Variants in SPECC1 observed in about 807,000 individuals in gnomAD.
SPECC1 encodes cytospin-B.
Under a neutral mutation model 104.1 loss-of-function variants are expected in SPECC1, and 62 were observed. The observed-to-expected ratio is 0.60, with a 90% CI of 0.49 to 0.74. The LOEUF is 0.74. Among genes scored for constraint, SPECC1 ranks in the 30% least tolerant of loss-of-function variants. SPECC1 has a pLI of 0.00. For synonymous variants in SPECC1, 513 were observed against 501.6 expected, an observed-to-expected ratio of 1.02 and a Z score of -0.30; for missense variants, 1,306 against 1,310.5, an observed-to-expected ratio of 1.00 and a Z score of 0.05.
chr17:20,099,339 A>G (rs764753285), intron 2 of SPECC1, among the ~76,000 whole-genome samples: 1 of 152,004 alleles, frequency 6.6e-6, no homozygotes, highest in African/African-American at 2.4e-5. Context: ...TTCCACAATA[A>G]CAGATCATTA....
chr17:20,071,693 T>A (rs2046560261), intron 1 of SPECC1, among the ~76,000 whole-genome samples: 1 of 152,226 alleles, frequency 6.6e-6, no homozygotes, highest in Admixed American at 6.5e-5. Context: ...TTATAGATGC[T>A]ATTGTAAGTA....
intron 3 of SPECC1, among the ~76,000 whole-genome samples, chr17:20,127,292 C>T (rs1157590169): frequency 1.3e-5 from 2 of 152,094 alleles, no homozygotes; most frequent in Non-Finnish European, 2.9e-5. Context: ...CTCAGCTGCT[C>T]CCCCTTTTAT....
Position 20,244,097 on chromosome 17 carries a change from T to C in SPECC1, c.2352-1829T>C, listed in dbSNP as rs1337651647. 7.3e-5 allele frequency among the ~76,000 whole-genome samples: 11 copies of C among 151,700 alleles called. 1 individual carries two copies. The highest frequency in any genetic ancestry group is 2.4e-4 in the African/African-American group (10 of 41,434). On this transcript the variant is annotated intron_variant, in intron 7 of 14. Transcript: ENST00000395527. ...AAGATTAGCAAAGTGTGCTGGTGCT[T>C]GCCTGTAGTCCCAGCAAGCTACGCA...
At chr17:20,090,543 T>C (rs866253887) in intron 1 of SPECC1, among the ~76,000 whole-genome samples, 2 of 151,812 alleles carry the variant, frequency 1.3e-5, no homozygotes, top group Admixed American at 6.6e-5. Context: ...CCTCCTATAC[T>C]GTAGTTTTTA....
chr17:20,281,223 G>A (rs547958252), intron 12 of SPECC1, among the ~76,000 whole-genome samples: 16 of 152,284 alleles, frequency 1.1e-4, no homozygotes, highest in Non-Finnish European at 1.9e-4. Flanking sequence ...GTTATACAGC[G>A]TGTCACCATT....
chr17:20,202,512 G>C (rs1450901818), intron 3 of SPECC1, among the ~76,000 whole-genome samples: 3 of 152,182 alleles, frequency 2.0e-5, no homozygotes, highest in Non-Finnish European at 4.4e-5. Flanking sequence ...GCTTCAGACA[G>C]ATGATTCATT....
intron 1 of SPECC1, among the ~76,000 whole-genome samples, chr17:20,010,446 G>A (rs2043902015): frequency 6.6e-6 from 1 of 152,184 alleles, no homozygotes; most frequent in African/African-American, 2.4e-5. Context: ...TCCAAACACC[G>A]TGTTATTTCA....
intron 2 of SPECC1, among the ~76,000 whole-genome samples, chr17:20,097,593 G>A (rs1173193764): frequency 6.6e-6 from 1 of 152,202 alleles, no homozygotes; most frequent in African/African-American, 2.4e-5. Flanking sequence ...TGCTGCAGAA[G>A]GAGTGACGGG....
At chr17:20,301,355 A>G (rs1242116808) in intron 13 of SPECC1, among the ~76,000 whole-genome samples, 2 of 151,792 alleles carry the variant, frequency 1.3e-5, no homozygotes, top group Non-Finnish European at 2.9e-5. Flanking sequence ...TGAGAGGCAC[A>G]TGTGTCCAGC....
intron 14 of SPECC1, among the ~76,000 whole-genome samples, chr17:20,309,966 C>T (rs2041884493): frequency 6.6e-6 from 1 of 151,788 alleles, no homozygotes; most frequent in Non-Finnish European, 1.5e-5. Context: ...TATAGGCACG[C>T]ACCACCATGC....
chr17:20,246,080 T>G lies in SPECC1; in HGVS notation c.2497+9T>G. The G allele has an allele frequency of 6.2e-7, 1 of 1,613,380 alleles. No homozygotes were observed. The highest frequency in any genetic ancestry group is 1.1e-5 in the South Asian group (1 of 91,074). ...TGACTTGGGACGCCCAGGTATTTAA[T>G]CATTTTTTCTATAAGCAAAGCTCCA... On this transcript the variant is annotated intron_variant, in intron 8 of 14. Coordinates refer to ENST00000395527, the MANE Select transcript of SPECC1 (RefSeq NM_001243439.2).
intron 13 of SPECC1, among the ~76,000 whole-genome samples, chr17:20,298,948 A>AGTGTGTGTGTGTGTGTGT (rs1555535565): frequency 8.2e-5 from 4 of 49,076 alleles, no homozygotes; most frequent in African/African-American, 1.9e-4. Flanking sequence ...AGAGAGAGAG[A>AGTGTGTGTGTGTGTGTGT]GTGTGTGTGT....
chr17:20,318,458 C>T lies in SPECC1; in HGVS notation c.*4393C>T, dbSNP rs564566680. ...GTGGGTGTTAGATAAAAACACACAT[C>T]CCCAGGGGACAAGCCATCCAGCGGT... is the stretch of plus-strand genomic sequence containing the variant. On this transcript the variant is annotated 3_prime_UTR_variant, in exon 15 of 15. Coordinates refer to ENST00000395527, the MANE Select transcript of SPECC1 (RefSeq NM_001243439.2). 6 of 231,494 alleles carry T rather than the reference C, an allele frequency of 2.6e-5. No individual in the cohort carries two copies. The highest frequency in any genetic ancestry group is 4.3e-5 in the Non-Finnish European group (5 of 117,050). 14.3% of individuals were successfully genotyped at this position (231,494 alleles called of 1,614,324 possible).
intron 3 of SPECC1, among the ~76,000 whole-genome samples, chr17:20,116,748 G>A (rs909949204): frequency 6.7e-6 from 1 of 150,170 alleles, no homozygotes; most frequent in Non-Finnish European, 1.5e-5. Flanking sequence ...TTCTCAATGG[G>A]GGACGATTTT....
chr17:20,206,029 C>G, intron 4 of SPECC1, 117 bp downstream of exon 4: 1 of 1,379,138 alleles, frequency 7.3e-7, no homozygotes, highest in African/African-American at 1.4e-5. Flanking sequence ...ATTCACGAAG[C>G]CAGCATTCCA....
intron 1 of SPECC1, among the ~76,000 whole-genome samples, chr17:20,016,981 G>A (rs753036642): frequency 1.3e-5 from 2 of 152,130 alleles, no homozygotes; most frequent in East Asian, 1.9e-4. Flanking sequence ...GATTGTAAAC[G>A]CACCAATCAG....
chr17:20,311,107 T>G (rs968266332), intron 14 of SPECC1, among the ~76,000 whole-genome samples: 6 of 151,816 alleles, frequency 4.0e-5, no homozygotes, highest in African/African-American at 7.2e-5. Flanking sequence ...TGGGGTTTTT[T>G]TTTTTTTTTT....
At chr17:20,034,259 G>A (rs759236485) in intron 1 of SPECC1, among the ~76,000 whole-genome samples, 80 of 150,954 alleles carry the variant, frequency 5.3e-4, no homozygotes, top group Non-Finnish European at 9.0e-4. Context: ...CATGACACCC[G>A]GCTAATTTTT....
intron 3 of SPECC1, among the ~76,000 whole-genome samples, chr17:20,183,473 G>T (rs1310775903): frequency 6.6e-6 from 1 of 152,124 alleles, no homozygotes; most frequent in Non-Finnish European, 1.5e-5. Flanking sequence ...ATGTCCCTCA[G>T]TAGGAATTGG....
Sources: allele counts gnomAD v4.1 joint callset (sites outside exome capture counted in the v4.1 genomes callset), GRCh38; gene constraint gnomAD v4.1.1; transcripts MANE v1.5; gene names NCBI Gene and HGNC (gene_info 2026-07-23, HGNC 2026-07-21).